EDA: variants seen among roughly 807,000 people sequenced by gnomAD.
EDA encodes the protein ectodysplasin A, also known as ectodysplasin-A.
EDA carries 2 observed loss-of-function variants against 23.6 expected under a neutral mutation model. The ratio of observed to expected loss-of-function variants is 0.08; its 90% CI spans 0.03 to 0.27. The LOEUF is 0.27. Ranked by LOEUF, EDA falls within the 10% of genes least tolerant of loss-of-function variation. The pLI, the probability that EDA is intolerant of heterozygous loss-of-function variation, is 1.00. For synonymous variants in EDA, 131 were observed against 132.0 expected (o/e 0.99, Z 0.05); for missense variants, 229 against 324.2 (o/e 0.71, Z 2.26).
intron 1 of EDA, among the ~76,000 whole-genome samples, chrX:69,699,531 G>C (rs1024098390): frequency 9.0e-6 from 1 of 111,365 alleles, no homozygotes; most frequent in African/African-American, 3.3e-5. Context: ...AAACTGTTAG[G>C]TTGGCATGGA....
At chrX:69,998,711 A>T (rs764027695) in intron 2 of EDA, among the ~76,000 whole-genome samples, 1 of 111,544 alleles carries the variant, frequency 9.0e-6, no homozygotes. Context: ...GAGATAATTG[A>T]ATCATGGGGG....
At chrX:69,864,231 G>GCAA (rs2017448471) in intron 1 of EDA, among the ~76,000 whole-genome samples, 1 of 111,518 alleles carries the variant, frequency 9.0e-6, no homozygotes, top group Admixed American at 9.5e-5. Context: ...TGGAGCAGGT[G>GCAA]CTGGTACTCA....
At chrX:69,965,643 C>G (rs147847291) in intron 2 of EDA, among the ~76,000 whole-genome samples, 33 of 112,253 alleles carry the variant, frequency 2.9e-4, no homozygotes, top group African/African-American at 1.1e-3. Context: ...AACTGGTCAT[C>G]ATGGTTGCTC....
intron 1 of EDA, among the ~76,000 whole-genome samples, chrX:69,814,999 G>A (rs773771566): frequency 9.0e-6 from 1 of 111,515 alleles, no homozygotes; most frequent in Admixed American, 9.5e-5. Context: ...CAGGAAATCC[G>A]TCCGTACCTA....
chrX:69,819,994 T>C (rs905244137), intron 1 of EDA, among the ~76,000 whole-genome samples: 27 of 109,810 alleles, frequency 2.5e-4, no homozygotes, highest in African/African-American at 9.0e-4. Flanking sequence ...CTTCAAACCG[T>C]GCTACAAGGT....
chrX:70,032,733 C>A (rs1420941705), intron 6 of EDA, among the ~76,000 whole-genome samples: 1 of 111,356 alleles, frequency 9.0e-6, no homozygotes, highest in Non-Finnish European at 1.9e-5. Context: ...TTGCAGCCTG[C>A]CAGTCTATCC....
chrX:69,849,082 TACACACACACAC>T (rs370800783), intron 1 of EDA, among the ~76,000 whole-genome samples: 1,011 of 57,007 alleles, frequency 0.018, 12 homozygotes, highest in African/African-American at 0.043. Flanking sequence ...AAAGTCTATA[TACACACACACAC>T]ACACACACAC....
At chrX:69,715,465 C>G (rs2012289679) in intron 1 of EDA, among the ~76,000 whole-genome samples, 1 of 111,614 alleles carries the variant, frequency 9.0e-6, no homozygotes, top group Non-Finnish European at 1.9e-5. Context: ...TATATATGTA[C>G]CACATTTTCT....
Position 69,812,219 on chromosome X carries a change from T to G in EDA, c.397-144808T>G, listed in dbSNP as rs1226676567. On this transcript the variant is annotated intron_variant, in intron 1 of 7. Coordinates refer to ENST00000374552, the MANE Select transcript of EDA (RefSeq NM_001399.5). ...AATTTATCAGCCTTCTTTTTGATGC[T>G]GTACTGAAAATTAAGATGTAGTAGT... Among the ~76,000 whole-genome samples, 9 of 112,306 alleles carry G rather than the reference T, an allele frequency of 8.0e-5. No individual in the cohort carries two copies. In the Admixed American group the frequency reaches 8.5e-4, roughly 11 times the overall value.
At chrX:69,998,129 A>G (rs1168276893) in intron 2 of EDA, among the ~76,000 whole-genome samples, 1 of 111,761 alleles carries the variant, frequency 8.9e-6, no homozygotes, top group African/African-American at 3.3e-5. Context: ...TGCTTGCACC[A>G]TGCACCTGGA....
At chrX:69,967,775 T>G (rs1281994479) in intron 2 of EDA, among the ~76,000 whole-genome samples, 1 of 112,140 alleles carries the variant, frequency 8.9e-6, no homozygotes, top group African/African-American at 3.2e-5. Context: ...TCATTCTTCA[T>G]GTAGGTTCTC....
chrX:69,686,209 A>G (rs761971605), intron 1 of EDA, among the ~76,000 whole-genome samples: 26 of 112,077 alleles, frequency 2.3e-4, no homozygotes, highest in Non-Finnish European at 4.5e-4. Flanking sequence ...GGGTTTCACC[A>G]TGTTGGCCAA....
At chrX:69,982,516 T>G (rs950262636) in intron 2 of EDA, among the ~76,000 whole-genome samples, 6 of 111,783 alleles carry the variant, frequency 5.4e-5, no homozygotes, top group African/African-American at 1.6e-4. Flanking sequence ...TTCCTTAGAC[T>G]CTCTTTTACT....
At chrX:69,744,683 AAAG>A (rs1347741201) in intron 1 of EDA, among the ~76,000 whole-genome samples, 1 of 112,102 alleles carries the variant, frequency 8.9e-6, no homozygotes, top group African/African-American at 3.2e-5. Context: ...GGTCTTCAAG[AAAG>A]GAGGATGTTT....
intron 1 of EDA, among the ~76,000 whole-genome samples, chrX:69,889,354 G>A (rs1202980): frequency 0.15 from 16,853 of 109,112 alleles, 1,249 homozygotes; most frequent in Non-Finnish European, 0.23. Context: ...CTTACCATGT[G>A]GCCCAGGCTG....
intron 2 of EDA, among the ~76,000 whole-genome samples, chrX:69,981,535 C>A (rs761721039): frequency 9.0e-6 from 1 of 111,337 alleles, no homozygotes; most frequent in South Asian, 3.8e-4. Context: ...AGCTGTAACA[C>A]ACATAAGTAA....
At chrX:70,005,008 A>C (rs1438262297) in intron 2 of EDA, among the ~76,000 whole-genome samples, 5 of 111,608 alleles carry the variant, frequency 4.5e-5, no homozygotes, top group Non-Finnish European at 9.4e-5. Flanking sequence ...AGGCAGGAGG[A>C]TTGCGTGAGC....
At chrX:69,859,971 T>C (rs1330954800) in intron 1 of EDA, among the ~76,000 whole-genome samples, 1 of 97,466 alleles carries the variant, frequency 1.0e-5, no homozygotes, top group African/African-American at 3.5e-5. Flanking sequence ...TTTACCATTA[T>C]ATAATGCCCT....
At chrX:69,956,927 A>T in intron 1 of EDA, 100 bp from the exon 2 acceptor site, 1 of 727,763 alleles carries the variant, frequency 1.4e-6, no homozygotes, top group Non-Finnish European at 2.2e-6. Context: ...GACACATCAA[A>T]CTTAAGGTAC....
Sources: allele counts gnomAD v4.1 joint callset (sites outside exome capture counted in the v4.1 genomes callset), GRCh38; gene constraint gnomAD v4.1.1; transcripts MANE v1.5; gene names NCBI Gene and HGNC (gene_info 2026-07-23, HGNC 2026-07-21).